The following GLDN variants were observed in gnomAD, a reference collection of about 807,000 sequenced individuals.
GLDN encodes collomin.
In GLDN, 47 loss-of-function variants were observed where a neutral mutation model predicts 56.5. That is an observed-to-expected ratio of 0.83 (90% CI 0.66 to 1.06). GLDN has a LOEUF of 1.06. Ranked by LOEUF, GLDN falls within the 50% of genes least tolerant of loss-of-function variation. The probability of loss-of-function intolerance (pLI) is 0.00; values close to 1 mark genes in which losing one functional copy is unlikely to be tolerated. For missense variants in GLDN, 782 were observed against 714.3 expected, an observed-to-expected ratio of 1.09 and a Z score of -1.08; for synonymous variants, 332 against 278.8, an observed-to-expected ratio of 1.19 and a Z score of -1.90.
At chr15:51,358,723 C>T (rs1437369942) in intron 1 of GLDN, among the ~76,000 whole-genome samples, 3 of 152,146 alleles carry the variant, frequency 2.0e-5, no homozygotes, top group East Asian at 3.8e-4. Flanking sequence ...AAAAGCAAAA[C>T]CACCCCTGAG....
chr15:51,389,487 C>T (rs1004545825), intron 4 of GLDN, among the ~76,000 whole-genome samples: 2 of 152,170 alleles, frequency 1.3e-5, no homozygotes, highest in African/African-American at 4.8e-5. Context: ...GGAGGCAATA[C>T]TGCCAGAAGA....
chr15:51,345,583 A>G (rs1037114495), intron 1 of GLDN, among the ~76,000 whole-genome samples: 5 of 152,226 alleles, frequency 3.3e-5, no homozygotes, highest in Admixed American at 1.3e-4. Context: ...TAAAATGGGA[A>G]TCAATGTATT....
At chr15:51,387,966 A>G (rs1266096521) in intron 4 of GLDN, among the ~76,000 whole-genome samples, 2 of 152,162 alleles carry the variant, frequency 1.3e-5, no homozygotes, top group Non-Finnish European at 2.9e-5. Flanking sequence ...CTCTTTCTCA[A>G]ACAGGCCAAG....
downstream of GLDN, among the ~76,000 whole-genome samples, chr15:51,411,395 C>G (rs935241196): frequency 6.6e-6 from 1 of 152,218 alleles, no homozygotes; most frequent in Non-Finnish European, 1.5e-5. Flanking sequence ...GACTGGGGCT[C>G]TGACATATGG....
intron 6 of GLDN, among the ~76,000 whole-genome samples, chr15:51,398,676 C>CTG (rs2038186374): frequency 1.3e-5 from 2 of 152,244 alleles, no homozygotes; most frequent in Admixed American, 1.3e-4. Context: ...TCCCCCTCCC[C>CTG]AACTCAGTGG....
intron 1 of GLDN, chr15:51,351,064 A>G: frequency 4.1e-6 from 1 of 246,770 alleles, no homozygotes; most frequent in Non-Finnish European, 8.2e-6. Flanking sequence ...TAAACTCAAG[A>G]TTTTTTTGTC....
At chr15:51,342,111 G>GC in intron 1 of GLDN, 64 bp downstream of exon 1, 3 of 1,572,314 alleles carry the variant, frequency 1.9e-6, no homozygotes, top group South Asian at 2.3e-5. Context: ...TGTGGGGCGA[G>GC]GACGCCGACG....
intron 1 of GLDN, among the ~76,000 whole-genome samples, chr15:51,376,737 A>C (rs2037639324): frequency 6.6e-6 from 1 of 152,066 alleles, no homozygotes; most frequent in Non-Finnish European, 1.5e-5. Context: ...TTTACTTTTT[A>C]AGCTTTTTTG....
chr15:51,363,790 A>C (rs2037349683), intron 1 of GLDN, among the ~76,000 whole-genome samples: 1 of 152,230 alleles, frequency 6.6e-6, no homozygotes. Flanking sequence ...TTTTAGCTTG[A>C]GCACGATACA....
intron 4 of GLDN, among the ~76,000 whole-genome samples, chr15:51,385,977 A>C (rs1447498657): frequency 6.6e-6 from 1 of 152,198 alleles, no homozygotes; most frequent in East Asian, 1.9e-4. Context: ...GGATGAGAGG[A>C]TGGCCTGACA....
Position 51,404,791 on chromosome 15 carries a change from G to A in GLDN, c.*37G>A, listed in dbSNP as rs1020001549. The stretch of plus-strand genomic sequence containing the variant: ...CGGCTCCCTTCAGCAAATTTCAGGG[G>A]TTTTCTGGGACCAGTTCTCCCCCAA... On this transcript the variant is annotated 3_prime_UTR_variant, in exon 10 of 10. Transcript: ENST00000335449. The A allele has an allele frequency of 1.9e-6, 2 of 1,078,680 alleles. No homozygotes were observed. Among genetic ancestry groups the A allele is most frequent in the East Asian group, 4.8e-5 (2 of 42,092 alleles). 66.8% of individuals were successfully genotyped at this position (1,078,680 alleles called of 1,614,324 possible).
intron 8 of GLDN, 39 bp from the exon 9 acceptor site, chr15:51,401,554 G>A: frequency 6.3e-7 from 1 of 1,585,998 alleles, no homozygotes; most frequent in Non-Finnish European, 8.6e-7. Flanking sequence ...GTGATTGCTG[G>A]AGGTAGGTAA....
At chr15:51,394,145 A>T (rs1424862250) in intron 4 of GLDN, among the ~76,000 whole-genome samples, 1 of 152,182 alleles carries the variant, frequency 6.6e-6, no homozygotes, top group Non-Finnish European at 1.5e-5. Context: ...TGAGGAATAA[A>T]CTAAATAATG....
At chr15:51,386,292 A>G (rs2037891121) in intron 4 of GLDN, among the ~76,000 whole-genome samples, 2 of 152,122 alleles carry the variant, frequency 1.3e-5, no homozygotes, top group Non-Finnish European at 2.9e-5. Context: ...GAGACTAACC[A>G]CCAAAGGCTA....
intron 1 of GLDN, among the ~76,000 whole-genome samples, chr15:51,350,262 T>A (rs987219737): frequency 2.6e-5 from 4 of 152,210 alleles, no homozygotes; most frequent in Admixed American, 6.5e-5. Context: ...CCATCTATTA[T>A]TCCCAAATGT....
At chr15:51,353,671 T>A (rs148281372) in intron 1 of GLDN, among the ~76,000 whole-genome samples, 1 of 148,374 alleles carries the variant, frequency 6.7e-6, no homozygotes, top group African/African-American at 2.5e-5. Flanking sequence ...TCCAGGATAT[T>A]GTTGCCAATG....
At chr15:51,347,468 T>G (rs902744531) in intron 1 of GLDN, among the ~76,000 whole-genome samples, 2 of 152,210 alleles carry the variant, frequency 1.3e-5, no homozygotes, top group African/African-American at 4.8e-5. Context: ...GTATTTTATG[T>G]GTGGCCCAAG....
At chr15:51,344,102 T>G (rs965141937) in intron 1 of GLDN, among the ~76,000 whole-genome samples, 1 of 152,244 alleles carries the variant, frequency 6.6e-6, no homozygotes, top group Non-Finnish European at 1.5e-5. Flanking sequence ...AAGCTCCCAC[T>G]GCTACCAATG....
intron 5 of GLDN, 111 bp downstream of exon 5, chr15:51,395,092 GC>G: frequency 9.0e-7 from 1 of 1,116,952 alleles, no homozygotes; most frequent in Non-Finnish European, 1.2e-6. Flanking sequence ...GCCTTATGTG[GC>G]CATCTGTTTT....
Sources: allele counts gnomAD v4.1 joint callset (sites outside exome capture counted in the v4.1 genomes callset), GRCh38; gene constraint gnomAD v4.1.1; transcripts MANE v1.5; gene names NCBI Gene and HGNC (gene_info 2026-07-23, HGNC 2026-07-21).